Variants in DRAXIN observed in about 807,000 individuals in gnomAD.
The protein encoded by DRAXIN is dorsal repulsive axon guidance protein.
DRAXIN carries 27 observed loss-of-function variants against 33.9 expected under a neutral mutation model. The ratio of observed to expected loss-of-function variants is 0.80; its 90% CI spans 0.59 to 1.10. The LOEUF (loss-of-function observed/expected upper bound fraction) is 1.10. DRAXIN is among the 50% of genes least tolerant of loss of function. The pLI, the probability that DRAXIN is intolerant of heterozygous loss-of-function variation, is 0.00. For missense variants in DRAXIN, 371 were observed against 460.8 expected, an observed-to-expected ratio of 0.81 and a Z score of 1.78; for synonymous variants, 178 against 194.0, an observed-to-expected ratio of 0.92 and a Z score of 0.69.
In DRAXIN at chr1:11,719,837, G is replaced by T. The variant is rs759793388; in HGVS notation, c.*141G>T. Reference sequence around the variant, plus strand: ...GCCCAGGACACTCAACCCCAGGAGGGGAGCCGCTCGGCGAATGAGCTGGGT... The same window carrying T: ...GCCCAGGACACTCAACCCCAGGAGGTGAGCCGCTCGGCGAATGAGCTGGGT... On this transcript the variant is annotated 3_prime_UTR_variant, in exon 7 of 7. Coordinates refer to ENST00000294485, the MANE Select transcript of DRAXIN (RefSeq NM_198545.4). 3.0e-4 allele frequency: 236 copies of T among 774,844 alleles called. No individual in the cohort carries two copies. The highest frequency in any genetic ancestry group is 4.8e-4 in the Non-Finnish European group (228 of 473,096). The allele number at this position is 774,844 out of a possible 1,614,324, so 48.0% of individuals were successfully genotyped here. A position where few individuals can be genotyped will look rare whatever the true frequency, so the allele number is the denominator to read the frequency against.
rs932847818 is a variant in DRAXIN at position 11,724,553 on chromosome 1, C to T, written c.*4857C>T. On this transcript the variant is annotated 3_prime_UTR_variant, in exon 7 of 7. Transcript: ENST00000294485. Reference sequence around the variant, plus strand: ...AGCCACAAAGTAAATCCTAAAGCCACAACCCCTTCTACCACTGAGCTGCTG... The same window carrying T: ...AGCCACAAAGTAAATCCTAAAGCCATAACCCCTTCTACCACTGAGCTGCTG... 6.6e-6 allele frequency: 1 copy of T among 152,326 alleles called. No homozygotes were observed. The highest frequency in any genetic ancestry group is 1.5e-5 in the Non-Finnish European group (1 of 68,126). 9.4% of individuals were successfully genotyped at this position (152,326 alleles called of 1,614,324 possible). A position where few individuals can be genotyped will look rare whatever the true frequency, so the allele number is the denominator to read the frequency against.
Position 11,715,221 on chromosome 1 carries a change from TC to T in DRAXIN, c.937+15del. 1 of 1,614,126 alleles carries T rather than the reference TC, an allele frequency of 6.2e-7. No homozygotes were observed. The highest frequency in any genetic ancestry group is 8.5e-7 in the Non-Finnish European group (1 of 1,179,972). On this transcript the variant is annotated intron_variant, in intron 6 of 6. Coordinates refer to ENST00000294485, the MANE Select transcript of DRAXIN (RefSeq NM_198545.4). ...ATGTGTGTGGAAGGTGGGTCCAGAC[TC>T]CTTTGCGGGGGGCTACCCATGCTCT...
chr1:11,699,184 C>T (rs1641235174), intron 1 of DRAXIN, among the ~76,000 whole-genome samples: 1 of 152,190 alleles, frequency 6.6e-6, no homozygotes, highest in Non-Finnish European at 1.5e-5. Context: ...TCCAATGGCC[C>T]AGTGGTCCTC....
intron 5 of DRAXIN, among the ~76,000 whole-genome samples, chr1:11,714,328 C>T (rs1478847585): frequency 6.6e-6 from 1 of 152,206 alleles, no homozygotes; most frequent in Admixed American, 6.5e-5. Flanking sequence ...ACCGGATGGG[C>T]GCTCCAGTAC....
At chr1:11,713,986 C>T (rs957513952) in intron 5 of DRAXIN, among the ~76,000 whole-genome samples, 2 of 151,980 alleles carry the variant, frequency 1.3e-5, no homozygotes, top group South Asian at 2.1e-4. Flanking sequence ...GACCCGAGAT[C>T]GCACGACTGC....
At chr1:11,687,294 C>T (rs942815488), upstream of DRAXIN, among the ~76,000 whole-genome samples, 6 of 152,082 alleles carry the variant, frequency 3.9e-5, no homozygotes, top group African/African-American at 1.2e-4. The surrounding 1 kb of genome is among the most constrained non-coding windows in gnomAD (Gnocchi z 4.1). Context: ...GGCTGGAGGG[C>T]GGTGGTGCAA....
In DRAXIN at chr1:11,722,472, T is replaced by C. The variant is rs979558616; in HGVS notation, c.*2776T>C. ...TCTATTTGACATTTCCAAAGAGGGATGGGTGGATGGAACCTCTTAACTCCA... is the reference window on the plus strand; with the variant it reads ...TCTATTTGACATTTCCAAAGAGGGACGGGTGGATGGAACCTCTTAACTCCA... On this transcript the variant is annotated 3_prime_UTR_variant, in exon 7 of 7. Coordinates refer to ENST00000294485, the MANE Select transcript of DRAXIN (RefSeq NM_198545.4). The C allele has an allele frequency of 6.6e-6, 1 of 152,220 alleles. No homozygotes were observed. The highest frequency in any genetic ancestry group is 1.5e-5 in the Non-Finnish European group (1 of 68,044). The allele number at this position is 152,220 out of a possible 1,614,324, so 9.4% of individuals were successfully genotyped here.
chr1:11,723,624 C>T lies in DRAXIN; in HGVS notation c.*3928C>T, dbSNP rs1641687541. The T allele has an allele frequency of 1.3e-5, 2 of 150,216 alleles. No individual in the cohort carries two copies. The highest frequency in any genetic ancestry group is 1.3e-4 in the Admixed American group (2 of 15,064). The allele number at this position is 150,216 out of a possible 1,614,324, so 9.3% of individuals were successfully genotyped here. ...TTTTTTCTTTTGAGACAGAGTTTCACTCTTGTTGCCCAGGCTGGAGTGCAG... is the reference window on the plus strand; with the variant it reads ...TTTTTTCTTTTGAGACAGAGTTTCATTCTTGTTGCCCAGGCTGGAGTGCAG... On this transcript the variant is annotated 3_prime_UTR_variant, in exon 7 of 7. Coordinates refer to ENST00000294485, the MANE Select transcript of DRAXIN (RefSeq NM_198545.4).
At chr1:11,702,347 C>A (rs1641304856) in intron 1 of DRAXIN, among the ~76,000 whole-genome samples, 2 of 149,874 alleles carry the variant, frequency 1.3e-5, no homozygotes, top group South Asian at 4.2e-4. Flanking sequence ...CCCACACATA[C>A]ACTGACAACA....
In DRAXIN at chr1:11,696,242, T is replaced by TA. The variant is rs1641190149; in HGVS notation, c.-11+4390dup. Among the ~76,000 whole-genome samples, 1 of 152,186 alleles carries TA rather than the reference T, an allele frequency of 6.6e-6. No homozygotes were observed. Among genetic ancestry groups the TA allele is most frequent in the Admixed American group, 6.5e-5 (1 of 15,276 alleles). On this transcript the variant is annotated intron_variant, in intron 1 of 6. Transcript: ENST00000294485. This position sits in a 1 kb window ranked among gnomAD's most constrained non-coding sequence, Gnocchi z 4.7. Reference sequence around the variant, plus strand: ...TTACTCCCTCTGTCTCCCCTTCCCATAGTAACAACTACTGTTTATTTCACC... The same window carrying TA: ...TTACTCCCTCTGTCTCCCCTTCCCATAAGTAACAACTACTGTTTATTTCACC...
rs777556399 is a variant in DRAXIN at position 11,706,411 on chromosome 1, G to A, written c.153G>A (p.Thr51=). 13 of 1,612,598 alleles carry A rather than the reference G, an allele frequency of 8.1e-6. No homozygotes were observed. In the South Asian group the frequency reaches 1.1e-4, roughly 14 times the overall value. ...HIDLPGPALW[T]PQASHHRRRG... ...ACCTCCCAGGCCCAGCGCTGTGGAC[G>A]CCTCAGGCCAGCCACCACCGCCGGC... is the stretch of plus-strand genomic sequence containing the variant. The change falls in exon 2 of 7, where the codon ACG becomes ACA. Residue 51 remains threonine, a synonymous_variant. Transcript: ENST00000294485. The surrounding 1 kb of genome is among the most constrained non-coding windows in gnomAD (Gnocchi z 5.5).
rs537726269 is a variant in DRAXIN, at chr1:11,706,153, T to G, written c.-10-96T>G. On this transcript the variant is annotated intron_variant, in intron 1 of 6. Coordinates refer to ENST00000294485, the MANE Select transcript of DRAXIN (RefSeq NM_198545.4). The surrounding 1 kb of genome is among the most constrained non-coding windows in gnomAD (Gnocchi z 5.5). ...TGTCACTGGGAGCAAAATGTCCCTC[T>G]ATGGCTGTTGAGAAAAACTGGGCTT... 1.3e-5 allele frequency: 16 copies of G among 1,209,078 alleles called. No individual in the cohort carries two copies. The South Asian group carries it at 2.4e-4, about 18-fold the overall frequency. 74.9% of individuals were successfully genotyped at this position (1,209,078 alleles called of 1,614,324 possible).
Position 11,692,537 on chromosome 1 carries a change from G to A in DRAXIN, c.-11+684G>A. Among the ~76,000 whole-genome samples the A allele has an allele frequency of 6.6e-6, 1 of 152,186 alleles. No homozygotes were observed. Among genetic ancestry groups the A allele is most frequent in the East Asian group, 1.9e-4 (1 of 5,192 alleles). On this transcript the variant is annotated intron_variant, in intron 1 of 6. Transcript: ENST00000294485. The surrounding 1 kb of genome is among the most constrained non-coding windows in gnomAD (Gnocchi z 5.8). Reference sequence around the variant, plus strand: ...CGCTCTGTCCCTCCTGCTCCCCACCGCCGGCTTTTGGCTTTTCTCCGTCCG... The same window carrying A: ...CGCTCTGTCCCTCCTGCTCCCCACCACCGGCTTTTGGCTTTTCTCCGTCCG...
chr1:11,713,104 G>A (rs1053570290), intron 5 of DRAXIN, among the ~76,000 whole-genome samples: 2 of 151,902 alleles, frequency 1.3e-5, no homozygotes, highest in South Asian at 2.1e-4. Context: ...AGGCTGAGGC[G>A]GGAACATTGC....
chr1:11,710,669 C>T lies in DRAXIN; in HGVS notation c.643-1182C>T, dbSNP rs1641472212. Among the ~76,000 whole-genome samples the T allele has an allele frequency of 2.0e-5, 3 of 150,916 alleles. 1 individual carries two copies. The South Asian group carries it at 6.3e-4, about 31-fold the overall frequency. On this transcript the variant is annotated intron_variant, in intron 3 of 6. Transcript: ENST00000294485. ...GTGGCTCATGCCTGTAATCCCAGCACTTTGGGAGGCCAAGGCGGGCAGATC... is the reference window on the plus strand; with the variant it reads ...GTGGCTCATGCCTGTAATCCCAGCATTTTGGGAGGCCAAGGCGGGCAGATC...
chr1:11,701,948 A>G (rs1641281111), intron 1 of DRAXIN, among the ~76,000 whole-genome samples: 1 of 152,096 alleles, frequency 6.6e-6, no homozygotes, highest in African/African-American at 2.4e-5. Flanking sequence ...GCTGTGTACA[A>G]ATCCTTGGGC....
Position 11,706,248 on chromosome 1 carries a change from G to A in DRAXIN, c.-10-1G>A. 3.2e-6 allele frequency: 5 copies of A among 1,573,932 alleles called. No individual in the cohort carries two copies. The highest frequency in any genetic ancestry group is 4.3e-6 in the Non-Finnish European group (5 of 1,159,826). On this transcript the variant is annotated splice_acceptor_variant, in intron 1 of 6. Transcript: ENST00000294485. LOFTEE classifies it low-confidence loss of function (5UTR_SPLICE). This position sits in a 1 kb window ranked among gnomAD's most constrained non-coding sequence, Gnocchi z 5.5. ...CATTCATGGTGTTGCTCTTCTTGCA[G>A]GGAGGAGCCAATGGCTGGGCCTGCC...
At chr1:11,689,066 C>T (rs537369098), upstream of DRAXIN, among the ~76,000 whole-genome samples, 1 of 152,262 alleles carries the variant, frequency 6.6e-6, no homozygotes, top group African/African-American at 2.4e-5. Flanking sequence ...GAGGCCAAGG[C>T]AGGCAGATTG....
Position 11,719,906 on chromosome 1 carries a change from C to T in DRAXIN, c.*210C>T, listed in dbSNP as rs1031643715. The T allele has an allele frequency of 7.3e-6, 4 of 551,264 alleles. No homozygotes were observed. The highest frequency in any genetic ancestry group is 1.9e-5 in the African/African-American group (1 of 53,088). 34.1% of individuals were successfully genotyped at this position (551,264 alleles called of 1,614,324 possible). On this transcript the variant is annotated 3_prime_UTR_variant, in exon 7 of 7. Transcript: ENST00000294485. ...CCGCAGCACCTGCACACACGAAGTC[C>T]GGACCCACGCAGCCTCCATCCCGCG...
Sources: gnomAD v4.1 joint callset for allele counts (sites outside exome capture counted in the v4.1 genomes callset) on GRCh38, gnomAD v4.1.1 for gene constraint, Gnocchi (gnomAD v3.1) non-coding constraint, MANE v1.5 for transcripts, NCBI Gene and HGNC (gene_info 2026-07-23, HGNC 2026-07-21) for gene names.